TJP1: variants seen among roughly 807,000 people sequenced by gnomAD.
TJP1 encodes tight junction protein 1, also known as tight junction protein ZO-1.
A neutral mutation model predicts 194.2 loss-of-function variants in TJP1; 43 were observed. The observed-to-expected ratio is 0.22, with a 90% CI of 0.17 to 0.29. The LOEUF (loss-of-function observed/expected upper bound fraction) is 0.29, where lower values mean the gene tolerates loss of function less well. Among genes scored for constraint, TJP1 ranks in the 10% least tolerant of loss-of-function variants. The pLI is 1.00. For missense variants in TJP1, 1,971 were observed against 2,185.7 expected, an observed-to-expected ratio of 0.90 and a Z score of 1.96; for synonymous variants, 801 against 779.0, an observed-to-expected ratio of 1.03 and a Z score of -0.47.
intron 2 of TJP1, among the ~76,000 whole-genome samples, chr15:29,936,408 G>A (rs2054883938): frequency 6.6e-6 from 1 of 152,210 alleles, no homozygotes; most frequent in African/African-American, 2.4e-5. Context: ...GGTCCAGCCT[G>A]TTGTAGACAT....
chr15:29,949,285 C>T (rs1463860012), intron 2 of TJP1, among the ~76,000 whole-genome samples: 2 of 105,368 alleles, frequency 1.9e-5, no homozygotes, highest in Admixed American at 9.5e-5. Flanking sequence ...TCACCTCCAC[C>T]GCCATCACCT....
intron 2 of TJP1, among the ~76,000 whole-genome samples, chr15:29,850,631 A>G (rs532019393): frequency 6.6e-6 from 1 of 150,956 alleles, no homozygotes; most frequent in African/African-American, 2.4e-5. Context: ...CACCGCGCCC[A>G]GCCAAATGTT....
At chr15:29,731,185 T>C (rs867492373) in intron 15 of TJP1, among the ~76,000 whole-genome samples, 1 of 152,054 alleles carries the variant, frequency 6.6e-6, no homozygotes, top group Non-Finnish European at 1.5e-5. Context: ...CAAAACTGGA[T>C]TGATGTGGAG....
chr15:29,772,926 A>G (rs924443087), intron 3 of TJP1, among the ~76,000 whole-genome samples: 1 of 152,042 alleles, frequency 6.6e-6, no homozygotes, highest in African/African-American at 2.4e-5. Context: ...CACCATGCCC[A>G]GCTGATTTTT....
At chr15:29,962,899 G>A (rs1053141452) in intron 1 of TJP1, among the ~76,000 whole-genome samples, 1 of 152,216 alleles carries the variant, frequency 6.6e-6, no homozygotes, top group Non-Finnish European at 1.5e-5. Flanking sequence ...AGCACTTTGG[G>A]AGGCCAAGGT....
In TJP1 at chr15:29,772,131, G is replaced by A; in HGVS notation, c.245C>T (p.Ser82Leu). The change falls in exon 4 of 28, where the codon TCA becomes TTA. Residue 82 changes from serine (S) to leucine (L), a missense_variant. Physicochemically the swap from Ser to Leu is moderately radical, Grantham distance 145. Transcript: ENST00000614355. The stretch of plus-strand genomic sequence containing the variant: ...AAAAGCATGTTCAACATTATCCATT[G>A]AAACTCCGTTAACCATTGCAACTCG... ...NDRVAMVNGV[S>L]MDNVEHAFAV... 2 of 1,605,634 alleles carry A rather than the reference G, an allele frequency of 1.2e-6. No individual in the cohort carries two copies. The highest frequency in any genetic ancestry group is 1.3e-5 in the African/African-American group (1 of 74,530).
At chr15:29,928,158 C>A (rs1158311594) in intron 2 of TJP1, among the ~76,000 whole-genome samples, 2 of 150,812 alleles carry the variant, frequency 1.3e-5, no homozygotes, top group Non-Finnish European at 3.0e-5. Context: ...CAGAAACATA[C>A]CCACAATTGC....
Position 29,726,976 on chromosome 15 carries a change from A to G in TJP1, c.2116T>C (p.Leu706=), listed in dbSNP as rs2043280386. The G allele has an allele frequency of 6.2e-7, 1 of 1,613,872 alleles. No individual in the cohort carries two copies. Among genetic ancestry groups the G allele is most frequent in the Non-Finnish European group, 8.5e-7 (1 of 1,179,936 alleles). The part of the protein sequence containing the change: ...QIIDQDKHAL[L]DVTPNAVDRL... ...TCAACTGCATTTGGTGTTACATCTA[A>G]TAAAGCATGTTTGTCCTAGAAACAG... Residue 706 remains leucine (L), a synonymous_variant, in exon 17 of 28, where the codon TTA becomes CTA. Coordinates refer to ENST00000614355, the MANE Select transcript of TJP1 (RefSeq NM_001330239.4).
chr15:29,774,300 T>C (rs190067250), intron 2 of TJP1, among the ~76,000 whole-genome samples: 30 of 150,910 alleles, frequency 2.0e-4, no homozygotes, highest in Admixed American at 1.3e-3. Flanking sequence ...CCAAAGCCTA[T>C]AGAAGTAGCA....
At position 29,708,691 on chromosome 15, in the gene TJP1, G is replaced by T; in HGVS notation, c.4718C>A (p.Thr1573Asn). 6.2e-7 allele frequency: 1 copy of T among 1,614,246 alleles called. No homozygotes were observed. Among genetic ancestry groups the T allele is most frequent in the Non-Finnish European group, 8.5e-7 (1 of 1,180,048 alleles). ...LSSKTPTSPK[T>N]LVKSHSLAQP... ...TGCCAAACTGTGCGATTTCACAAGA[G>T]TTTTTGGAGAAGTGGGAGTTTTTGA... Residue 1573 changes from threonine (T) to asparagine (N), a missense_variant, in exon 25 of 28, where the codon ACT becomes AAT. By Grantham distance (65) the Thr-to-Asn change is moderately conservative. This residue lies in a region of TJP1 where 1,108 missense variants were observed against 1,128.5 expected (regional missense o/e 0.98). Coordinates refer to ENST00000614355, the MANE Select transcript of TJP1 (RefSeq NM_001330239.4).
At chr15:29,860,960 C>A (rs1052694667) in intron 2 of TJP1, among the ~76,000 whole-genome samples, 4 of 152,154 alleles carry the variant, frequency 2.6e-5, no homozygotes, top group Admixed American at 6.5e-5. Flanking sequence ...ATAGTGTAAT[C>A]ATAACTTTTA....
rs373181284 is a variant in TJP1 at position 29,739,643 on chromosome 15, G to A, written c.1256+1688C>T. 2.6e-4 allele frequency among the ~76,000 whole-genome samples: 40 copies of A among 151,892 alleles called. No homozygotes were observed. In the East Asian group the frequency reaches 3.7e-3, roughly 14 times the overall value. On this transcript the variant is annotated intron_variant, in intron 10 of 27. Coordinates refer to ENST00000614355, the MANE Select transcript of TJP1 (RefSeq NM_001330239.4). ...GTATTTTTAGTAGAGACGGGGTTTCGCCGTGTTCAGCCAGGATGGTCTCAA... is the reference window on the plus strand; with the variant it reads ...GTATTTTTAGTAGAGACGGGGTTTCACCGTGTTCAGCCAGGATGGTCTCAA...
At chr15:29,833,882 T>TATATATATATATATATA (rs67819417) in intron 2 of TJP1, among the ~76,000 whole-genome samples, 5 of 7,970 alleles carry the variant, frequency 6.3e-4, no homozygotes, top group African/African-American at 1.2e-3. Flanking sequence ...TATATATATA[T>TATATATATATATATATA]TTTTTTTTTT....
intron 2 of TJP1, among the ~76,000 whole-genome samples, chr15:29,874,958 A>C: frequency 6.6e-6 from 1 of 152,260 alleles, no homozygotes; most frequent in East Asian, 1.9e-4. Context: ...TAAGGGTATT[A>C]GATTTTCATT....
intron 1 of TJP1, among the ~76,000 whole-genome samples, chr15:29,814,570 T>C (rs1426673759): frequency 6.6e-6 from 1 of 152,180 alleles, no homozygotes; most frequent in East Asian, 1.9e-4. Flanking sequence ...TCCAAAAGCG[T>C]GAAAATTCCT....
chr15:29,923,267 T>C (rs943086390), intron 2 of TJP1, among the ~76,000 whole-genome samples: 2 of 152,192 alleles, frequency 1.3e-5, no homozygotes, highest in African/African-American at 4.8e-5. Flanking sequence ...CCACTAATAA[T>C]GGATAGGGTA....
chr15:29,819,148 T>G (rs1470684091), intron 1 of TJP1, among the ~76,000 whole-genome samples: 1 of 152,216 alleles, frequency 6.6e-6, no homozygotes, highest in East Asian at 1.9e-4. Context: ...ATTCTACATT[T>G]TCTTCTATTT....
intron 2 of TJP1, among the ~76,000 whole-genome samples, chr15:29,846,439 T>C (rs2051411150): frequency 6.6e-6 from 1 of 152,072 alleles, no homozygotes; most frequent in African/African-American, 2.4e-5. Flanking sequence ...CTCTATTCAC[T>C]TGCTGATTTG....
intron 2 of TJP1, among the ~76,000 whole-genome samples, chr15:29,903,549 A>G (rs2152204001): frequency 6.6e-6 from 1 of 151,908 alleles, no homozygotes; most frequent in South Asian, 2.1e-4. Context: ...GGTTCACGCC[A>G]TTCTCCTGCC....
Sources: gnomAD v4.1 joint callset for allele counts (sites outside exome capture counted in the v4.1 genomes callset) on GRCh38, gnomAD v4.1.1 for gene constraint, gnomAD v4.1.1 regional missense constraint, MANE v1.5 for transcripts, NCBI Gene and HGNC (gene_info 2026-07-23, HGNC 2026-07-21) for gene names.